The following SOX5 variants were observed in gnomAD, a reference collection of about 807,000 sequenced individuals.
SOX5 encodes SRY-box transcription factor 5.
A neutral mutation model predicts 92.0 loss-of-function variants in SOX5; 9 were observed. The observed-to-expected ratio is 0.10, with a 90% CI of 0.06 to 0.17. SOX5 has a LOEUF of 0.17. Ranked by LOEUF, SOX5 falls within the 10% of genes least tolerant of loss-of-function variation. The pLI is 1.00. For missense variants in SOX5, 642 were observed against 944.5 expected (o/e 0.68, Z 4.20); for synonymous variants, 344 against 336.3 (o/e 1.02, Z -0.25).
chr12:24,114,573 CAAAAAAAAAA>C (rs55913110), intron 4 of SOX5, among the ~76,000 whole-genome samples: 3,640 of 40,444 alleles, frequency 0.09, 29 homozygotes, highest in Admixed American at 0.13. Flanking sequence ...CACCCCGTCA[CAAAAAAAAAA>C]AAAAAAAAAA....
chr12:24,168,062 G>A (rs543968039), intron 4 of SOX5, among the ~76,000 whole-genome samples: 2 of 152,282 alleles, frequency 1.3e-5, no homozygotes, highest in African/African-American at 2.4e-5. Context: ...AGGGGCTGAG[G>A]GGAGGGAAAC....
Position 23,604,609 on chromosome 12 carries a change from A to G in SOX5, c.1018-76T>C. ...TAAACGTACCATTCAGAAAGTACAT[A>G]TATTCAGATATGGTATTTTTCCTAT... On this transcript the variant is annotated intron_variant, in intron 8 of 14. Coordinates refer to ENST00000451604, the MANE Select transcript of SOX5 (RefSeq NM_006940.6). The G allele has an allele frequency of 9.4e-6, 13 of 1,381,240 alleles. No homozygotes were observed. The South Asian group carries it at 1.6e-4, about 17-fold the overall frequency. The allele number at this position is 1,381,240 out of a possible 1,614,324, so 85.6% of individuals were successfully genotyped here.
chr12:23,921,148 C>A (rs991844655), intron 1 of SOX5, among the ~76,000 whole-genome samples: 7 of 151,926 alleles, frequency 4.6e-5, no homozygotes, highest in African/African-American at 1.5e-4. Flanking sequence ...TAGAATAGTC[C>A]CTGTGCTGCC....
intron 2 of SOX5, among the ~76,000 whole-genome samples, chr12:23,873,725 A>G (rs183023146): frequency 7.0e-4 from 106 of 152,250 alleles, no homozygotes; most frequent in African/African-American, 2.5e-3. Context: ...TCTTTGCCGC[A>G]AAGGATATGT....
Position 24,136,246 on chromosome 12 carries a change from A to G in SOX5, c.-2+77097T>C, listed in dbSNP as rs1461875645. 2.6e-5 allele frequency among the ~76,000 whole-genome samples: 4 copies of G among 152,374 alleles called. No individual in the cohort carries two copies. The East Asian group carries it at 7.7e-4, about 29-fold the overall frequency. On this transcript the variant is annotated intron_variant, in intron 4 of 4. Transcript: ENST00000446891. ...AACCAGAAGGCCCAGAGAGTCCTCA[A>G]GGGATGCTGAGAAATCCTAAGGGGA... is the stretch of plus-strand genomic sequence containing the variant.
chr12:23,541,174 A>G (rs1382576968), intron 13 of SOX5, among the ~76,000 whole-genome samples: 1 of 152,196 alleles, frequency 6.6e-6, no homozygotes, highest in African/African-American at 2.4e-5. Context: ...GAATTCTCAT[A>G]GCCAGTCATC....
intron 3 of SOX5, among the ~76,000 whole-genome samples, chr12:24,217,192 C>T (rs1026169925): frequency 1.3e-5 from 2 of 152,198 alleles, no homozygotes; most frequent in Non-Finnish European, 2.9e-5. Flanking sequence ...TTCTTAGGAA[C>T]TCCCAATTTT....
intron 3 of SOX5, among the ~76,000 whole-genome samples, chr12:24,235,726 C>T (rs1964351078): frequency 6.6e-6 from 1 of 152,162 alleles, no homozygotes; most frequent in African/African-American, 2.4e-5. Context: ...TAAGTCTCAT[C>T]TATCTCTAAT....
chr12:23,854,194 G>A (rs970870574), intron 2 of SOX5, among the ~76,000 whole-genome samples: 17 of 152,114 alleles, frequency 1.1e-4, no homozygotes, highest in Middle Eastern at 3.4e-3. Flanking sequence ...ATCCCACATA[G>A]CAATAAATGT....
At position 23,766,087 on chromosome 12, in the gene SOX5, T is replaced by G. The variant is rs1362446025; in HGVS notation, c.482-10363A>C. ...CTTGAATTATTAAATTAGTGAATAGTAAATAAATGTGCAGACAGACTTTTC... is the reference window on the plus strand; with the variant it reads ...CTTGAATTATTAAATTAGTGAATAGGAAATAAATGTGCAGACAGACTTTTC... On this transcript the variant is annotated intron_variant, in intron 3 of 14. Coordinates refer to ENST00000451604, the MANE Select transcript of SOX5 (RefSeq NM_006940.6). Among the ~76,000 whole-genome samples, 7 of 152,244 alleles carry G rather than the reference T, an allele frequency of 4.6e-5. No individual in the cohort carries two copies. In the East Asian group the frequency reaches 1.2e-3, roughly 25 times the overall value.
intron 3 of SOX5, among the ~76,000 whole-genome samples, chr12:23,769,302 T>C (rs1310010711): frequency 6.6e-6 from 1 of 152,218 alleles, no homozygotes; most frequent in Admixed American, 6.5e-5. Flanking sequence ...CTTTCTGTTG[T>C]TGACGTGACA....
At chr12:24,261,048 TCAAA>T (rs1309159608) in intron 3 of SOX5, among the ~76,000 whole-genome samples, 1 of 152,182 alleles carries the variant, frequency 6.6e-6, no homozygotes, top group Non-Finnish European at 1.5e-5. Flanking sequence ...CTCAATGAGT[TCAAA>T]CAAACATGTA....
At chr12:23,999,286 G>A (rs1279021165) in intron 4 of SOX5, among the ~76,000 whole-genome samples, 1 of 151,890 alleles carries the variant, frequency 6.6e-6, no homozygotes, top group Non-Finnish European at 1.5e-5. Context: ...GTAAAACTGT[G>A]GTTACCAATG....
chr12:23,731,355 T>C (rs991567447), intron 6 of SOX5, among the ~76,000 whole-genome samples: 2 of 152,192 alleles, frequency 1.3e-5, no homozygotes, highest in Non-Finnish European at 2.9e-5. Flanking sequence ...TCCCCTCTCA[T>C]ATATTTATCT....
chr12:23,804,916 TATATATATATA>T (rs1333733889), intron 3 of SOX5, among the ~76,000 whole-genome samples: 5 of 3,304 alleles, frequency 1.5e-3, no homozygotes, highest in African/African-American at 2.0e-3. Flanking sequence ...ATCATTGTTT[TATATATATATA>T]TATATATATA....
intron 4 of SOX5, among the ~76,000 whole-genome samples, chr12:24,064,335 G>A (rs1378100064): frequency 2.0e-5 from 3 of 152,146 alleles, no homozygotes; most frequent in African/African-American, 7.2e-5. Context: ...TATCCAAGAT[G>A]ACTCTTATGT....
At chr12:23,587,593 C>A (rs1404240830) in intron 9 of SOX5, among the ~76,000 whole-genome samples, 2 of 152,006 alleles carry the variant, frequency 1.3e-5, no homozygotes, top group Non-Finnish European at 2.9e-5. Flanking sequence ...GGTCGAGACC[C>A]TCACAAAATT....
intron 1 of SOX5, among the ~76,000 whole-genome samples, chr12:23,910,550 T>C (rs942542858): frequency 3.3e-5 from 5 of 152,130 alleles, no homozygotes; most frequent in Non-Finnish European, 2.9e-5. Context: ...ACTGTATTAG[T>C]TAGTAAGCAA....
chr12:23,600,451 T>G (rs990565763), intron 9 of SOX5, among the ~76,000 whole-genome samples: 1 of 147,498 alleles, frequency 6.8e-6, no homozygotes, highest in Admixed American at 6.8e-5. Context: ...TGAGAAATTT[T>G]TAAAATCTGT....
Sources: allele counts gnomAD v4.1 joint callset (sites outside exome capture counted in the v4.1 genomes callset), GRCh38; gene constraint gnomAD v4.1.1; transcripts MANE v1.5; gene names NCBI Gene and HGNC (gene_info 2026-07-23, HGNC 2026-07-21).